Variants in CDKN2B-AS1 observed in about 807,000 individuals in gnomAD.
CDKN2B-AS1 encodes the protein CDKN2B antisense RNA 1 (non-protein coding).
At chr9:22,099,731 G>A (rs1422341738) in intron 4 of CDKN2B-AS1, among the ~76,000 whole-genome samples, 1 of 138,270 alleles carries the variant, frequency 7.2e-6, no homozygotes, top group Non-Finnish European at 1.6e-5. Context: ...ATCCTGATGT[G>A]GTATTAATTA....
intron 4 of CDKN2B-AS1, among the ~76,000 whole-genome samples, chr9:22,125,841 A>G (rs1421012248): frequency 1.3e-5 from 2 of 152,250 alleles, no homozygotes; most frequent in Non-Finnish European, 2.9e-5. Context: ...AAAAAGAATA[A>G]TATATAACAA....
intron 4 of CDKN2B-AS1, among the ~76,000 whole-genome samples, chr9:22,074,570 CT>C (rs1165667377): frequency 2.6e-5 from 4 of 152,184 alleles, no homozygotes; most frequent in Non-Finnish European, 5.9e-5. Flanking sequence ...TGTTGAAAAT[CT>C]TTATCCAAGC....
At chr9:22,067,874 A>G (rs886832430) in intron 4 of CDKN2B-AS1, among the ~76,000 whole-genome samples, 15 of 152,332 alleles carry the variant, frequency 9.8e-5, no homozygotes, top group Middle Eastern at 3.4e-3. Flanking sequence ...ATGAAATTGT[A>G]AAAGCTTTCC....
chr9:22,052,031 G>A (rs542753453), intron 3 of CDKN2B-AS1, among the ~76,000 whole-genome samples: 2 of 151,976 alleles, frequency 1.3e-5, no homozygotes, highest in East Asian at 1.9e-4. Context: ...TCACATCATG[G>A]TGGGGGATCC....
At chr9:22,008,710 C>A (rs1157846582) in intron 1 of CDKN2B-AS1, 1 of 1,611,538 alleles carries the variant, frequency 6.2e-7, no homozygotes. Flanking sequence ...AAATCTACAT[C>A]GGCGATCTAG....
intron 1 of CDKN2B-AS1, among the ~76,000 whole-genome samples, chr9:22,007,829 C>T (rs1821271791): frequency 6.6e-6 from 1 of 152,062 alleles, no homozygotes; most frequent in Non-Finnish European, 1.5e-5. Context: ...TTTTAAGATG[C>T]ACTTTACAAT....
intron 1 of CDKN2B-AS1, among the ~76,000 whole-genome samples, chr9:22,031,215 C>T (rs1459065828): frequency 6.6e-6 from 1 of 152,112 alleles, no homozygotes; most frequent in Admixed American, 6.6e-5. Context: ...TTTGTAAAAT[C>T]ATGGGTTTGT....
In CDKN2B-AS1 at chr9:21,997,743, TG is replaced by T. The variant is rs1820751934; in HGVS notation, n.29+2583del. Among the ~76,000 whole-genome samples, 1 of 152,098 alleles carries T rather than the reference TG, an allele frequency of 6.6e-6. No homozygotes were observed. The highest frequency in any genetic ancestry group is 1.5e-5 in the Non-Finnish European group (1 of 68,022). ...GCTTTTTCAAGTCTACTGACTTAAA[TG>T]TTAATCATATCTAAAAAATACCTCC... On this transcript the variant is annotated intron_variant and non_coding_transcript_variant, in intron 1 of 4. Transcript: ENST00000650946. The surrounding 1 kb of genome is among the most constrained non-coding windows in gnomAD (Gnocchi z 4.8).
intron 4 of CDKN2B-AS1, chr9:22,118,734 A>G (rs1554681528): frequency 6.6e-6 from 1 of 152,228 alleles, no homozygotes; most frequent in Non-Finnish European, 1.5e-5. Flanking sequence ...AGCTCAGAGC[A>G]ATTCCAGTGC....
chr9:22,114,537 A>C (rs1221477616), intron 4 of CDKN2B-AS1, among the ~76,000 whole-genome samples: 1 of 152,234 alleles, frequency 6.6e-6, no homozygotes, highest in Non-Finnish European at 1.5e-5. Flanking sequence ...AAAAACCTTA[A>C]GATTTCAATT....
At chr9:22,069,401 C>T (rs1430606482) in intron 4 of CDKN2B-AS1, among the ~76,000 whole-genome samples, 1 of 152,100 alleles carries the variant, frequency 6.6e-6, no homozygotes, top group African/African-American at 2.4e-5. Context: ...AAATTGTGCA[C>T]TCAACCAACT....
At chr9:22,016,412 GC>G (rs1821761665) in intron 1 of CDKN2B-AS1, among the ~76,000 whole-genome samples, 1 of 152,162 alleles carries the variant, frequency 6.6e-6, no homozygotes, top group Non-Finnish European at 1.5e-5. Context: ...CCATCAAGCT[GC>G]CAATGACTTT....
chr9:22,096,174 G>T (rs563813929), intron 4 of CDKN2B-AS1, among the ~76,000 whole-genome samples: 20 of 152,330 alleles, frequency 1.3e-4, no homozygotes, highest in African/African-American at 4.8e-4. Flanking sequence ...CAATTTTATT[G>T]TTATAGGACA....
intron 4 of CDKN2B-AS1, among the ~76,000 whole-genome samples, chr9:22,057,851 C>T (rs1823637352): frequency 6.6e-6 from 1 of 151,830 alleles, no homozygotes; most frequent in Non-Finnish European, 1.5e-5. Flanking sequence ...CAAGGTGGCT[C>T]ATGCCTATAT....
intron 1 of CDKN2B-AS1, among the ~76,000 whole-genome samples, chr9:22,019,458 G>C (rs920322686): frequency 1.3e-5 from 2 of 152,278 alleles, no homozygotes; most frequent in South Asian, 4.1e-4. Flanking sequence ...ATGAACTGGA[G>C]ATGGAAGATG....
exon 5 of CDKN2B-AS1, among the ~76,000 whole-genome samples, chr9:22,127,219 T>C (rs924700446): frequency 1.3e-5 from 2 of 152,112 alleles, no homozygotes; most frequent in African/African-American, 2.4e-5. Flanking sequence ...GGAGCTGGGA[T>C]TGCAGGCACC....
chr9:22,022,665 A>G (rs992519008), intron 1 of CDKN2B-AS1, among the ~76,000 whole-genome samples: 1 of 152,056 alleles, frequency 6.6e-6, no homozygotes, highest in African/African-American at 2.4e-5. Context: ...TGATCCTGTC[A>G]TCATAATGCT....
At chr9:22,058,814 C>G (rs1046658801) in intron 4 of CDKN2B-AS1, 1 of 177,830 alleles carries the variant, frequency 5.6e-6, no homozygotes, top group Admixed American at 6.3e-5. Context: ...ACTAGACTTA[C>G]AGTTCCGCAT....
At chr9:22,126,574 CTTTTTTTTT>C (rs34700018) in intron 4 of CDKN2B-AS1, among the ~76,000 whole-genome samples, 6 of 104,892 alleles carry the variant, frequency 5.7e-5, no homozygotes, top group African/African-American at 2.4e-4. Context: ...TAAGTGGATT[CTTTTTTTTT>C]TTTTTTTTTT....
Sources: allele counts gnomAD v4.1 joint callset (sites outside exome capture counted in the v4.1 genomes callset), GRCh38; gene constraint gnomAD v4.1.1; non-coding constraint Gnocchi (gnomAD v3.1); transcripts MANE v1.5; gene names NCBI Gene and HGNC (gene_info 2026-07-23, HGNC 2026-07-21).